The following DHRSX variants were observed in gnomAD, a reference collection of about 807,000 sequenced individuals.
DHRSX encodes the protein dehydrogenase/reductase X-linked, also known as polyprenol dehydrogenase.
In DHRSX, 31 loss-of-function variants were observed where a neutral mutation model predicts 34.0. That is an observed-to-expected ratio of 0.91 (90% confidence interval 0.69 to 1.23). The LOEUF is 1.23. DHRSX is among the 50% of genes most tolerant of loss of function. The pLI, the probability that DHRSX is intolerant of heterozygous loss-of-function variation, is 0.00. For synonymous variants in DHRSX, 201 were observed against 183.8 expected (o/e 1.09, Z -0.76); for missense variants, 414 against 428.1 (o/e 0.97, Z 0.29).
chrX:2,262,401 G>C (rs2041375754), intron 5 of DHRSX, among the ~76,000 whole-genome samples: 1 of 151,970 alleles, frequency 6.6e-6, no homozygotes, highest in African/African-American at 2.4e-5. Flanking sequence ...CCTTATCTGT[G>C]CACACTGGCA....
At chrX:2,454,016 T>C (rs1224991311) in intron 1 of DHRSX, among the ~76,000 whole-genome samples, 1 of 152,112 alleles carries the variant, frequency 6.6e-6, no homozygotes, top group African/African-American at 2.4e-5. Context: ...CATTACATTG[T>C]ACCATATATA....
intron 1 of DHRSX, among the ~76,000 whole-genome samples, chrX:2,475,846 A>G (rs1435376600): frequency 6.6e-6 from 1 of 152,220 alleles, no homozygotes; most frequent in African/African-American, 2.4e-5. Flanking sequence ...GGGCACCTCC[A>G]TGACTAGCCA....
At chrX:2,265,511 C>T (rs769998651) in intron 5 of DHRSX, among the ~76,000 whole-genome samples, 2 of 133,610 alleles carry the variant, frequency 1.5e-5, no homozygotes, top group South Asian at 5.1e-4. Context: ...GTCCCCAGAG[C>T]ACCAGTGTCC....
intron 3 of DHRSX, among the ~76,000 whole-genome samples, chrX:2,303,877 GTGGATGGA>G (rs1391288726): frequency 1.6e-4 from 9 of 56,256 alleles, no homozygotes; most frequent in East Asian, 8.8e-4. Flanking sequence ...GGGTGGATGG[GTGGATGGA>G]TGGATGGATG....
intron 1 of DHRSX, among the ~76,000 whole-genome samples, chrX:2,440,559 G>A (rs1278652665): frequency 2.1e-4 from 31 of 145,658 alleles, no homozygotes; most frequent in African/African-American, 6.9e-4. Flanking sequence ...ACGGAGTCTC[G>A]CTCTGTCACC....
In DHRSX at chrX:2,225,191, GCA is replaced by G. The variant is rs1314710954; in HGVS notation, c.805-3964_805-3963del. On this transcript the variant is annotated intron_variant, in intron 6 of 6. Coordinates refer to ENST00000334651, the MANE Select transcript of DHRSX (RefSeq NM_145177.3). ...TCACACACGCACACAGCTCACACAT[GCA>G]CACATTTGCATGCACATTCACATGT... Among the ~76,000 whole-genome samples, 61 of 140,082 alleles carry G rather than the reference GCA, an allele frequency of 4.4e-4. 1 individual carries two copies. Among genetic ancestry groups the G allele is most frequent in the African/African-American group, 8.8e-4 (32 of 36,444 alleles). 91.9% of individuals were successfully genotyped at this position (140,082 alleles called of 152,430 possible).
chrX:2,473,578 C>T (rs2124016399), intron 1 of DHRSX, among the ~76,000 whole-genome samples: 1 of 148,972 alleles, frequency 6.7e-6, no homozygotes, highest in Admixed American at 6.6e-5. Context: ...AGCCGAGATC[C>T]CTCCACTGCA....
chrX:2,476,078 C>G (rs1187887890), intron 1 of DHRSX, among the ~76,000 whole-genome samples: 4 of 152,126 alleles, frequency 2.6e-5, no homozygotes, highest in Non-Finnish European at 5.9e-5. Flanking sequence ...ACGGTGAGAC[C>G]AGCACCTCTT....
At chrX:2,437,712 T>A (rs1284984766) in intron 1 of DHRSX, among the ~76,000 whole-genome samples, 104 of 45,268 alleles carry the variant, frequency 2.3e-3, no homozygotes, top group Non-Finnish European at 2.8e-3. Context: ...TGTGTGTGTG[T>A]GTGTGTGTGT....
At chrX:2,243,353 A>C (rs539479806) in intron 5 of DHRSX, 123 bp from the exon 6 acceptor site, 1 of 734,876 alleles carries the variant, frequency 1.4e-6, no homozygotes, top group South Asian at 1.9e-5. Flanking sequence ...CCCTAGACCC[A>C]TGTGTGATCA....
rs751958596 is a variant in DHRSX, at chrX:2,408,739, C to T, written c.286+6G>A. ...AAAAAAAAGCCATTGGAGTATCTCTCGGTACCTTTGTCGTTCAAGGTTTCT... is the reference window on the plus strand; with the variant it reads ...AAAAAAAAGCCATTGGAGTATCTCTTGGTACCTTTGTCGTTCAAGGTTTCT... On this transcript the variant is annotated splice_donor_region_variant and intron_variant, in intron 3 of 6. Coordinates refer to ENST00000334651, the MANE Select transcript of DHRSX (RefSeq NM_145177.3). 1.5e-5 allele frequency: 24 copies of T among 1,609,238 alleles called. No individual in the cohort carries two copies. Among genetic ancestry groups the T allele is most frequent in the Middle Eastern group, 3.3e-4 (2 of 6,024 alleles).
rs1237934866 is a variant in DHRSX at position 2,245,508 on chromosome X, C to T, written c.597-2278G>A. 5.3e-5 allele frequency among the ~76,000 whole-genome samples: 8 copies of T among 151,128 alleles called. No individual in the cohort carries two copies. The South Asian group carries it at 1.5e-3, about 28-fold the overall frequency. On this transcript the variant is annotated intron_variant, in intron 5 of 6. Transcript: ENST00000334651. Reference sequence around the variant, plus strand: ...TATTTTTAGTAGACATGGGGTTTCACCATGTTGGCCAGGCTGGTCTCGAAC... The same window carrying T: ...TATTTTTAGTAGACATGGGGTTTCATCATGTTGGCCAGGCTGGTCTCGAAC...
Position 2,221,047 on chromosome X carries a change from G to A in DHRSX, c.987C>T (p.Thr329=), listed in dbSNP as rs779330851. The change falls in exon 7 of 7, where the codon ACC becomes ACT. Residue 329 remains threonine (T), a synonymous_variant. Coordinates refer to ENST00000334651, the MANE Select transcript of DHRSX (RefSeq NM_145177.3). ...SCEMTGVLDV[T]L ...GCTATCCTGAGACAGGATATCACAG[G>A]GTCACATCAAGGACCCCAGTCATCT... is the stretch of plus-strand genomic sequence containing the variant. 28 of 1,613,582 alleles carry A rather than the reference G, an allele frequency of 1.7e-5. No individual in the cohort carries two copies. In the African/African-American group the frequency reaches 3.5e-4, roughly 20 times the overall value.
chrX:2,345,435 G>A (rs2042693501), intron 3 of DHRSX, among the ~76,000 whole-genome samples: 1 of 151,814 alleles, frequency 6.6e-6, no homozygotes, highest in African/African-American at 2.4e-5. Flanking sequence ...CTGAGGTCAG[G>A]AGTTTGAGAT....
intron 1 of DHRSX, among the ~76,000 whole-genome samples, chrX:2,448,248 C>T (rs1280377019): frequency 6.6e-6 from 1 of 152,024 alleles, no homozygotes; most frequent in Non-Finnish European, 1.5e-5. Context: ...TCAGGAGGGT[C>T]ACCTGAGCCA....
chrX:2,401,179 G>A (rs1310780274), intron 3 of DHRSX, among the ~76,000 whole-genome samples: 5 of 149,288 alleles, frequency 3.3e-5, no homozygotes, highest in East Asian at 2.0e-4. Context: ...GCATGATCTC[G>A]GCTCACCGCA....
At chrX:2,439,831 C>T (rs1483798287) in intron 1 of DHRSX, among the ~76,000 whole-genome samples, 1 of 152,108 alleles carries the variant, frequency 6.6e-6, no homozygotes. Flanking sequence ...GTAATATGAG[C>T]TATGGGGAGC....
At chrX:2,246,402 T>C (rs2016283075) in intron 5 of DHRSX, among the ~76,000 whole-genome samples, 1 of 152,034 alleles carries the variant, frequency 6.6e-6, no homozygotes, top group Admixed American at 6.6e-5. Context: ...GGTGGGCAGA[T>C]CACCAGGTCA....
intron 1 of DHRSX, among the ~76,000 whole-genome samples, chrX:2,442,969 A>G (rs1444976380): frequency 2.0e-5 from 3 of 152,160 alleles, no homozygotes; most frequent in Non-Finnish European, 4.4e-5. Flanking sequence ...GTGTGTGTCA[A>G]TCTAGAAGCT....
Sources: gnomAD v4.1 joint callset for allele counts (sites outside exome capture counted in the v4.1 genomes callset) on GRCh38, gnomAD v4.1.1 for gene constraint, MANE v1.5 for transcripts, NCBI Gene and HGNC (gene_info 2026-07-23, HGNC 2026-07-21) for gene names.